The following MAP3K5 variants were observed in gnomAD, a reference collection of about 807,000 sequenced individuals.
MAP3K5 encodes mitogen-activated protein kinase kinase kinase 5, also known as ASK-1.
Under a neutral mutation model 158.7 loss-of-function variants are expected in MAP3K5, and 56 were observed. That is an observed-to-expected ratio of 0.35 (90% CI 0.28 to 0.44). The LOEUF (loss-of-function observed/expected upper bound fraction) is 0.44. Among genes scored for constraint, MAP3K5 ranks in the 20% least tolerant of loss-of-function variants. The probability of loss-of-function intolerance (pLI) is 1.00; values close to 1 mark genes in which losing one functional copy is unlikely to be tolerated. For synonymous variants in MAP3K5, 579 were observed against 601.7 expected (o/e 0.96, Z 0.55); for missense variants, 1,294 against 1,674.8 (o/e 0.77, Z 3.97).
intron 25 of MAP3K5, among the ~76,000 whole-genome samples, chr6:136,573,926 TTTTC>T (rs906672442): frequency 1.4e-5 from 2 of 146,064 alleles, no homozygotes; most frequent in African/African-American, 2.6e-5. Context: ...TTTCTTTTTC[TTTTC>T]TTTCTTTTTT....
At chr6:136,723,292 CAG>C (rs890366716) in intron 1 of MAP3K5, among the ~76,000 whole-genome samples, 2 of 151,796 alleles carry the variant, frequency 1.3e-5, no homozygotes, top group African/African-American at 4.8e-5. Flanking sequence ...GACTTAGCAA[CAG>C]GGGATAAATC....
rs368267374 is a variant in MAP3K5 at position 136,696,096 on chromosome 6, T to C, written c.976-39A>G. 5 of 1,210,258 alleles carry C rather than the reference T, an allele frequency of 4.1e-6. No homozygotes were observed. In the African/African-American group the frequency reaches 7.5e-5, roughly 18 times the overall value. 75.0% of individuals were successfully genotyped at this position (1,210,258 alleles called of 1,614,324 possible). A position where few individuals can be genotyped will look rare whatever the true frequency, so the allele number is the denominator to read the frequency against. ...TGAGAATAGCACAGAATTAAACCAT[T>C]AGGAGAAAATTCTCACAATAACGTG... On this transcript the variant is annotated intron_variant, in intron 5 of 29. Transcript: ENST00000359015.
Position 136,792,341 on chromosome 6 carries a change from C to G in MAP3K5, c.-184G>C. On this transcript the variant is annotated 5_prime_UTR_variant, in exon 1 of 30. Coordinates refer to ENST00000359015, the MANE Select transcript of MAP3K5 (RefSeq NM_005923.4). This position sits in a 1 kb window ranked among gnomAD's most constrained non-coding sequence, Gnocchi z 5.7. Reference sequence around the variant, plus strand: ...CCCCCGAGGGCACGCCGCTGCCCGGCGGCGGCTCGCTCCTCCTCGGCGCCT... The same window carrying G: ...CCCCCGAGGGCACGCCGCTGCCCGGGGGCGGCTCGCTCCTCCTCGGCGCCT... 2.0e-6 allele frequency: 2 copies of G among 1,010,016 alleles called. No homozygotes were observed. The highest frequency in any genetic ancestry group is 2.4e-6 in the Non-Finnish European group (2 of 848,562). 62.6% of individuals were successfully genotyped at this position (1,010,016 alleles called of 1,614,324 possible). A position where few individuals can be genotyped will look rare whatever the true frequency, so the allele number is the denominator to read the frequency against.
At chr6:136,647,370 G>A (rs1778309850) in intron 11 of MAP3K5, among the ~76,000 whole-genome samples, 1 of 152,152 alleles carries the variant, frequency 6.6e-6, no homozygotes, top group African/African-American at 2.4e-5. Context: ...GGCAACTAAA[G>A]CATGAGGAGT....
chr6:136,695,066 G>A (rs907270542), intron 6 of MAP3K5, among the ~76,000 whole-genome samples: 4 of 151,968 alleles, frequency 2.6e-5, no homozygotes, highest in African/African-American at 9.7e-5. Context: ...TGGAAGGGGG[G>A]CTGCTAATGG....
At chr6:136,732,253 C>T (rs1782259455) in intron 1 of MAP3K5, among the ~76,000 whole-genome samples, 1 of 151,926 alleles carries the variant, frequency 6.6e-6, no homozygotes. Context: ...GGTGAAATAC[C>T]GTCTCTACCA....
intron 2 of MAP3K5, among the ~76,000 whole-genome samples, chr6:136,714,674 A>G (rs1781447621): frequency 6.6e-6 from 1 of 152,202 alleles, no homozygotes; most frequent in Non-Finnish European, 1.5e-5. Flanking sequence ...ATGGGTATAT[A>G]AACACCTCTT....
intron 1 of MAP3K5, among the ~76,000 whole-genome samples, chr6:136,720,982 T>G (rs1781724142): frequency 1.3e-5 from 2 of 152,126 alleles, no homozygotes; most frequent in Admixed American, 6.5e-5. Flanking sequence ...TCTTCCTATG[T>G]TTCCCAGGTT....
At chr6:136,730,449 C>A (rs999787015) in intron 1 of MAP3K5, among the ~76,000 whole-genome samples, 1 of 151,932 alleles carries the variant, frequency 6.6e-6, no homozygotes, top group Non-Finnish European at 1.5e-5. Context: ...AGGCTGGGCA[C>A]GGTGACTCAC....
At chr6:136,566,167 C>G (rs1457749871) in intron 26 of MAP3K5, among the ~76,000 whole-genome samples, 1 of 152,058 alleles carries the variant, frequency 6.6e-6, no homozygotes, top group African/African-American at 2.4e-5. Context: ...CAACGCTAAC[C>G]AAATAGGCCA....
At chr6:136,694,499 T>C (rs1235867595) in intron 6 of MAP3K5, among the ~76,000 whole-genome samples, 189 bp from the exon 7 acceptor site, 2 of 152,226 alleles carry the variant, frequency 1.3e-5, no homozygotes, top group Admixed American at 6.5e-5. Flanking sequence ...CCATTGTATG[T>C]CTACTAGGTC....
In MAP3K5 at chr6:136,705,091, G is replaced by T; in HGVS notation, c.612+19C>A. ...AGAAAATATTTTTAAAACTCTGGAAGGTTAAATAAAGTACTCACAGTATTC... is the reference window on the plus strand; with the variant it reads ...AGAAAATATTTTTAAAACTCTGGAATGTTAAATAAAGTACTCACAGTATTC... On this transcript the variant is annotated intron_variant, in intron 3 of 29. Coordinates refer to ENST00000359015, the MANE Select transcript of MAP3K5 (RefSeq NM_005923.4). 1 of 1,141,498 alleles carries T rather than the reference G, an allele frequency of 8.8e-7. No individual in the cohort carries two copies. The highest frequency in any genetic ancestry group is 1.2e-6 in the Non-Finnish European group (1 of 803,204). 70.7% of individuals were successfully genotyped at this position (1,141,498 alleles called of 1,614,324 possible). A position where few individuals can be genotyped will look rare whatever the true frequency, so the allele number is the denominator to read the frequency against.
At chr6:136,685,173 C>T (rs528825804) in intron 7 of MAP3K5, among the ~76,000 whole-genome samples, 1 of 151,992 alleles carries the variant, frequency 6.6e-6, no homozygotes, top group East Asian at 1.9e-4. Flanking sequence ...CAAAAAGTAG[C>T]TGGGCATGGT....
intron 1 of MAP3K5, among the ~76,000 whole-genome samples, chr6:136,784,667 A>G (rs1784765327): frequency 6.6e-6 from 1 of 152,200 alleles, no homozygotes; most frequent in Non-Finnish European, 1.5e-5. Context: ...GGTTCCAATC[A>G]GAGGCTCTCA....
intron 1 of MAP3K5, among the ~76,000 whole-genome samples, chr6:136,771,616 G>A (rs904142330): frequency 1.3e-5 from 2 of 152,164 alleles, no homozygotes; most frequent in Admixed American, 6.5e-5. Flanking sequence ...GCTGCCCTGA[G>A]CTACTACTCT....
At chr6:136,767,256 C>T (rs931157623) in intron 1 of MAP3K5, among the ~76,000 whole-genome samples, 4 of 150,194 alleles carry the variant, frequency 2.7e-5, no homozygotes, top group Non-Finnish European at 4.4e-5. Flanking sequence ...ACTAAACCCA[C>T]GGGAAAGAGG....
chr6:136,639,811 G>T (rs1048823463), intron 12 of MAP3K5, among the ~76,000 whole-genome samples, 173 bp from the exon 13 acceptor site: 1 of 152,170 alleles, frequency 6.6e-6, no homozygotes, highest in Non-Finnish European at 1.5e-5. Context: ...CTACTAAAAT[G>T]ATTTACTCTT....
At chr6:136,783,057 A>G (rs1223507340) in intron 1 of MAP3K5, among the ~76,000 whole-genome samples, 1 of 152,202 alleles carries the variant, frequency 6.6e-6, no homozygotes, top group Non-Finnish European at 1.5e-5. Flanking sequence ...TAATCCCAGC[A>G]CTTTGGGAGA....
chr6:136,584,115 A>G (rs1309412756), intron 23 of MAP3K5, among the ~76,000 whole-genome samples: 2 of 152,246 alleles, frequency 1.3e-5, no homozygotes, highest in African/African-American at 2.4e-5. Flanking sequence ...TAGCCATGAT[A>G]TAGTCAGATA....
Sources: gnomAD v4.1 joint callset for allele counts (sites outside exome capture counted in the v4.1 genomes callset) on GRCh38, gnomAD v4.1.1 for gene constraint, Gnocchi (gnomAD v3.1) non-coding constraint, MANE v1.5 for transcripts, NCBI Gene and HGNC (gene_info 2026-07-23, HGNC 2026-07-21) for gene names.